PLCH1: variants seen among roughly 807,000 people sequenced by gnomAD.
PLCH1 encodes the protein phospholipase C eta 1, also known as 1-phosphatidylinositol 4,5-bisphosphate phosphodiesterase eta-1.
PLCH1 carries 60 observed loss-of-function variants against 126.7 expected under a neutral mutation model. The observed-to-expected ratio is 0.47, with a 90% CI of 0.38 to 0.59. The LOEUF (loss-of-function observed/expected upper bound fraction) is 0.59, where lower values mean the gene tolerates loss of function less well. PLCH1 is among the 20% of genes least tolerant of loss of function. The probability of loss-of-function intolerance (pLI) is 0.00; values close to 1 mark genes in which losing one functional copy is unlikely to be tolerated. For missense variants in PLCH1, 1,723 were observed against 2,040.0 expected (o/e 0.84, Z 2.99); for synonymous variants, 719 against 734.9 (o/e 0.98, Z 0.35).
chr3:155,539,451 G>A (rs1169713751), intron 10 of PLCH1, among the ~76,000 whole-genome samples: 5 of 152,114 alleles, frequency 3.3e-5, no homozygotes, highest in African/African-American at 1.2e-4. Flanking sequence ...AATGTGTAAA[G>A]AGGAAGTCAA....
chr3:155,549,723 C>A, intron 10 of PLCH1, 64 bp downstream of exon 10: 1 of 1,153,744 alleles, frequency 8.7e-7, no homozygotes, highest in Non-Finnish European at 1.3e-6. Flanking sequence ...CATTTTTATT[C>A]TTTAAGGGAG....
chr3:155,686,411 G>A (rs1744942838), intron 2 of PLCH1, among the ~76,000 whole-genome samples: 1 of 152,236 alleles, frequency 6.6e-6, no homozygotes, highest in Non-Finnish European at 1.5e-5. Flanking sequence ...GGGGAATAAG[G>A]ACCCATGGAA....
At chr3:155,577,658 A>G (rs1370525016) in intron 6 of PLCH1, among the ~76,000 whole-genome samples, 2 of 152,220 alleles carry the variant, frequency 1.3e-5, no homozygotes, top group East Asian at 1.9e-4. Context: ...AAATTAAACT[A>G]TATACAGTTA....
chr3:155,510,840 T>C (rs1719350646), intron 12 of PLCH1, among the ~76,000 whole-genome samples: 1 of 92,612 alleles, frequency 1.1e-5, no homozygotes, highest in Non-Finnish European at 1.9e-5. Context: ...TGTCTTGGAG[T>C]TGCTCTTCTC....
At chr3:155,726,680 A>T (rs1393007544) in intron 1 of PLCH1, among the ~76,000 whole-genome samples, 1 of 151,216 alleles carries the variant, frequency 6.6e-6, no homozygotes, top group African/African-American at 2.4e-5. Context: ...AGCAATAATT[A>T]AAATTTTGTT....
chr3:155,597,655 A>C (rs750267416), intron 2 of PLCH1, among the ~76,000 whole-genome samples: 1 of 152,178 alleles, frequency 6.6e-6, no homozygotes, highest in Non-Finnish European at 1.5e-5. Context: ...CTTAACTAGG[A>C]AAGATAATCT....
chr3:155,489,671 C>T (rs1048040823), intron 19 of PLCH1, among the ~76,000 whole-genome samples: 3 of 152,124 alleles, frequency 2.0e-5, no homozygotes, highest in Non-Finnish European at 4.4e-5. Context: ...GTATATAATT[C>T]ACCTCAAATA....
downstream of PLCH1, among the ~76,000 whole-genome samples, chr3:155,475,717 A>C (rs1216126298): frequency 6.6e-6 from 1 of 152,182 alleles, no homozygotes; most frequent in Non-Finnish European, 1.5e-5. Context: ...ATCTAGAAGA[A>C]ATTGACAAAT....
intron 2 of PLCH1, among the ~76,000 whole-genome samples, chr3:155,686,381 T>A (rs184285671): frequency 3.9e-5 from 6 of 152,258 alleles, no homozygotes; most frequent in Non-Finnish European, 7.4e-5. Context: ...GGGAGCAATA[T>A]CCCTTGTTCA....
chr3:155,578,738 T>C (rs543564232), intron 6 of PLCH1, among the ~76,000 whole-genome samples: 1 of 152,180 alleles, frequency 6.6e-6, no homozygotes, highest in Non-Finnish European at 1.5e-5. Context: ...ATGTACAGAT[T>C]TGATGCAGTT....
At chr3:155,700,458 A>C (rs1559947306) in intron 2 of PLCH1, among the ~76,000 whole-genome samples, 1 of 152,238 alleles carries the variant, frequency 6.6e-6, no homozygotes. Context: ...AATTCAGTCC[A>C]AAATGTTTCT....
At chr3:155,669,700 T>C (rs6795967) in intron 2 of PLCH1, among the ~76,000 whole-genome samples, 24,421 of 152,140 alleles carry the variant, frequency 0.16, 2,428 homozygotes, top group African/African-American at 0.28. Flanking sequence ...AGGTATAATA[T>C]CATTGAAATT....
chr3:155,712,110 A>G (rs779865844), intron 1 of PLCH1, among the ~76,000 whole-genome samples: 3 of 152,182 alleles, frequency 2.0e-5, no homozygotes, highest in Non-Finnish European at 2.9e-5. Context: ...TAGAGTCCCA[A>G]CTGATGAAAT....
intron 2 of PLCH1, among the ~76,000 whole-genome samples, chr3:155,649,569 A>G (rs769776563): frequency 6.6e-6 from 1 of 152,114 alleles, no homozygotes; most frequent in Non-Finnish European, 1.5e-5. Flanking sequence ...GTTCCCCCCC[A>G]TATCACACAG....
intron 1 of PLCH1, among the ~76,000 whole-genome samples, chr3:155,735,028 T>A (rs1307484504): frequency 6.6e-6 from 1 of 152,114 alleles, no homozygotes; most frequent in Non-Finnish European, 1.5e-5. Context: ...TAGCATTCTA[T>A]TCACCCTTTA....
At chr3:155,565,833 C>G in intron 7 of PLCH1, among the ~76,000 whole-genome samples, 1 of 151,484 alleles carries the variant, frequency 6.6e-6, no homozygotes, top group East Asian at 1.9e-4. Context: ...GTAGCTGGGA[C>G]TACAGGCATG....
At chr3:155,629,216 T>C (rs1737728724) in intron 2 of PLCH1, among the ~76,000 whole-genome samples, 1 of 152,176 alleles carries the variant, frequency 6.6e-6, no homozygotes, top group Admixed American at 6.5e-5. Context: ...GCTCAGAAAA[T>C]GCAGCGGCTC....
intron 1 of PLCH1, among the ~76,000 whole-genome samples, chr3:155,731,877 G>A (rs1470203861): frequency 1.3e-5 from 2 of 151,542 alleles, no homozygotes; most frequent in South Asian, 2.1e-4. Flanking sequence ...CAGCTACTTC[G>A]AGGGCTGAGG....
At chr3:155,724,358 A>G (rs1748160239) in intron 1 of PLCH1, among the ~76,000 whole-genome samples, 1 of 152,006 alleles carries the variant, frequency 6.6e-6, no homozygotes, top group African/African-American at 2.4e-5. Context: ...CTCCATTATT[A>G]TTGTGTTGCC....
Sources: gnomAD v4.1 joint callset for allele counts (sites outside exome capture counted in the v4.1 genomes callset) on GRCh38, gnomAD v4.1.1 for gene constraint, MANE v1.5 for transcripts, NCBI Gene and HGNC (gene_info 2026-07-23, HGNC 2026-07-21) for gene names.